The following CPPED1 variants were observed in gnomAD, a reference collection of about 807,000 sequenced individuals.
CPPED1 encodes the protein serine/threonine-protein phosphatase CPPED1.
In CPPED1, 28 loss-of-function variants were observed where a neutral mutation model predicts 28.0. The ratio of observed to expected loss-of-function variants is 1.00; its 90% CI spans 0.74 to 1.37. The LOEUF (loss-of-function observed/expected upper bound fraction) is 1.37, where lower values mean the gene tolerates loss of function less well. Ranked by LOEUF, CPPED1 falls within the 40% of genes most tolerant of loss-of-function variation. CPPED1 has a pLI of 0.00. For missense variants in CPPED1, 504 were observed against 416.5 expected, an observed-to-expected ratio of 1.21 and a Z score of -1.83; for synonymous variants, 198 against 180.2, an observed-to-expected ratio of 1.10 and a Z score of -0.79.
intron 3 of CPPED1, among the ~76,000 whole-genome samples, chr16:12,690,628 G>A (rs114070296): frequency 0.012 from 1,701 of 147,178 alleles, 50 homozygotes; most frequent in African/African-American, 0.041. Context: ...ACCAGCTTGG[G>A]CAAAATAGTG....
At position 12,706,556 on chromosome 16, in the gene CPPED1, G is replaced by GA. The variant is rs56369967; in HGVS notation, c.290-1508dup. Among the ~76,000 whole-genome samples the GA allele has an allele frequency of 2.8e-3, 290 of 104,852 alleles. 4 individuals are homozygous for GA. Among genetic ancestry groups the GA allele is most frequent in the Middle Eastern group, 9.8e-3 (2 of 204 alleles). The allele number at this position is 104,852 out of a possible 152,430, so 68.8% of individuals were successfully genotyped here. A position where few individuals can be genotyped will look rare whatever the true frequency, so the allele number is the denominator to read the frequency against. On this transcript the variant is annotated intron_variant, in intron 2 of 3. Coordinates refer to ENST00000381774, the MANE Select transcript of CPPED1 (RefSeq NM_018340.3). ...CCCAAGCTTATGTATAATTTTCACCGAAAAAAAAAAAAAAAAAAAACTCAA... is the reference window on the plus strand; with the variant it reads ...CCCAAGCTTATGTATAATTTTCACCGAAAAAAAAAAAAAAAAAAAAACTCAA...
At chr16:12,690,512 T>C (rs1411249270) in intron 3 of CPPED1, among the ~76,000 whole-genome samples, 1 of 149,938 alleles carries the variant, frequency 6.7e-6, no homozygotes, top group East Asian at 2.0e-4. Context: ...AGACTCCTTC[T>C]CAAGAAAGAA....
chr16:12,772,077 C>T (rs753265906), intron 2 of CPPED1, among the ~76,000 whole-genome samples: 3 of 152,016 alleles, frequency 2.0e-5, no homozygotes, highest in Non-Finnish European at 2.9e-5. Flanking sequence ...GAGCTGAGAT[C>T]GTACCGCTGC....
chr16:12,701,269 C>T (rs2080019161), intron 3 of CPPED1, among the ~76,000 whole-genome samples: 2 of 151,956 alleles, frequency 1.3e-5, no homozygotes, highest in African/African-American at 4.8e-5. Context: ...GTGGCTCACA[C>T]CCGTAATTCC....
At chr16:12,699,287 A>C (rs1393815103) in intron 3 of CPPED1, among the ~76,000 whole-genome samples, 1 of 152,166 alleles carries the variant, frequency 6.6e-6, no homozygotes, top group African/African-American at 2.4e-5. Flanking sequence ...TCCTGACCTG[A>C]TAACTGTTTA....
chr16:12,787,082 G>C (rs1738491658), intron 1 of CPPED1, among the ~76,000 whole-genome samples: 1 of 152,126 alleles, frequency 6.6e-6, no homozygotes, highest in African/African-American at 2.4e-5. Context: ...GTGCACAACA[G>C]AGAAGTCTGT....
rs548686622 is a variant in CPPED1, at chr16:12,709,401, C to A, written c.290-4352G>T. Among the ~76,000 whole-genome samples the A allele has an allele frequency of 2.0e-4, 30 of 152,262 alleles. 1 individual carries two copies. The highest frequency in any genetic ancestry group is 3.4e-3 in the Middle Eastern group (1 of 294). On this transcript the variant is annotated intron_variant, in intron 2 of 3. Coordinates refer to ENST00000381774, the MANE Select transcript of CPPED1 (RefSeq NM_018340.3). This position sits in a 1 kb window ranked among gnomAD's most constrained non-coding sequence, Gnocchi z 4.4. ...CAGGGACCCCAATGTCAGCACACAC[C>A]TGACCCCCACGGAGAGGAGCCCTGG... is the stretch of plus-strand genomic sequence containing the variant.
At chr16:12,794,657 G>A (rs543014320) in intron 1 of CPPED1, among the ~76,000 whole-genome samples, 1 of 152,126 alleles carries the variant, frequency 6.6e-6, no homozygotes, top group South Asian at 2.1e-4. Flanking sequence ...TCTGAAATCC[G>A]AAATGCTTTT....
chr16:12,723,529 G>A (rs558550306), intron 2 of CPPED1, among the ~76,000 whole-genome samples: 16 of 152,298 alleles, frequency 1.1e-4, no homozygotes, highest in Admixed American at 2.6e-4. Flanking sequence ...GATACAGGGA[G>A]AAGTCGGCCA....
chr16:12,728,187 T>C (rs1015644247), intron 2 of CPPED1, among the ~76,000 whole-genome samples: 1 of 152,178 alleles, frequency 6.6e-6, no homozygotes, highest in Non-Finnish European at 1.5e-5. Context: ...CTAACTGCTA[T>C]TTATACCCAC....
chr16:12,665,060 C>T lies in CPPED1; in HGVS notation c.771G>A (p.Gln257=). The change falls in exon 4 of 4, where the codon CAG becomes CAA. Residue 257 remains glutamine, a synonymous_variant. Transcript: ENST00000381774. ...HYHRNAGGTY[Q]NLDMVVSSAI... ...CAGATGACACCACCATGTCGAGGTT[C>T]TGGTAGGTACCCCCGGCATTCCTGT... The T allele has an allele frequency of 6.2e-7, 1 of 1,609,142 alleles. No individual in the cohort carries two copies. Among genetic ancestry groups the T allele is most frequent in the South Asian group, 1.1e-5 (1 of 90,688 alleles).
At chr16:12,755,904 G>A (rs558999451) in intron 2 of CPPED1, among the ~76,000 whole-genome samples, 2 of 152,246 alleles carry the variant, frequency 1.3e-5, no homozygotes, top group East Asian at 3.9e-4. Context: ...AGGTCAAGGC[G>A]GGCGGATCAC....
chr16:12,707,519 T>C (rs1018016214), intron 2 of CPPED1, among the ~76,000 whole-genome samples: 4 of 152,178 alleles, frequency 2.6e-5, no homozygotes, highest in African/African-American at 9.7e-5. Context: ...GACTTTATAA[T>C]ACACTGGGGT....
intron 3 of CPPED1, among the ~76,000 whole-genome samples, chr16:12,668,944 G>A (rs1452860217): frequency 2.0e-5 from 3 of 152,212 alleles, no homozygotes; most frequent in Non-Finnish European, 2.9e-5. Context: ...TGTTAAACAC[G>A]TATTTACCAT....
At chr16:12,774,785 T>C (rs2080488311) in intron 2 of CPPED1, among the ~76,000 whole-genome samples, 1 of 152,076 alleles carries the variant, frequency 6.6e-6, no homozygotes, top group African/African-American at 2.4e-5. Flanking sequence ...TAATGGGTTA[T>C]CATGAGAGTG....
At chr16:12,715,905 G>C (rs901008318) in intron 2 of CPPED1, among the ~76,000 whole-genome samples, 2 of 152,178 alleles carry the variant, frequency 1.3e-5, no homozygotes, top group African/African-American at 4.8e-5. Flanking sequence ...TGTATTTTAT[G>C]TGTGGCCCAA....
Position 12,726,047 on chromosome 16 carries a change from A to AT in CPPED1, c.290-20999dup, listed in dbSNP as rs775785867. Among the ~76,000 whole-genome samples, 257 of 149,094 alleles carry AT rather than the reference A, an allele frequency of 1.7e-3. 1 individual carries two copies. The highest frequency in any genetic ancestry group is 5.2e-3 in the African/African-American group (211 of 40,694). On this transcript the variant is annotated intron_variant, in intron 2 of 3. Coordinates refer to ENST00000381774, the MANE Select transcript of CPPED1 (RefSeq NM_018340.3). Reference sequence around the variant, plus strand: ...TCCCATCTCTAAAAAAGAAAAAATCATTTTTTTTTTATGAGATGAAGTCTC... The same window carrying AT: ...TCCCATCTCTAAAAAAGAAAAAATCATTTTTTTTTTTATGAGATGAAGTCTC...
At chr16:12,699,134 G>T (rs1027795240) in intron 3 of CPPED1, among the ~76,000 whole-genome samples, 8 of 152,134 alleles carry the variant, frequency 5.3e-5, no homozygotes, top group African/African-American at 1.9e-4. Flanking sequence ...TCTACTATCT[G>T]TCTTTGCTAC....
At chr16:12,732,483 C>A (rs911842038) in intron 2 of CPPED1, among the ~76,000 whole-genome samples, 6 of 93,216 alleles carry the variant, frequency 6.4e-5, no homozygotes, top group Non-Finnish European at 1.2e-4. Flanking sequence ...CAAACACACA[C>A]ACACACAGAT....
Sources: gnomAD v4.1 joint callset for allele counts (sites outside exome capture counted in the v4.1 genomes callset) on GRCh38, gnomAD v4.1.1 for gene constraint, Gnocchi (gnomAD v3.1) non-coding constraint, MANE v1.5 for transcripts, NCBI Gene and HGNC (gene_info 2026-07-23, HGNC 2026-07-21) for gene names.